Variants in NR3C1 observed in about 807,000 individuals in gnomAD.
The protein encoded by NR3C1 is glucocorticoid receptor.
A neutral mutation model predicts 74.0 loss-of-function variants in NR3C1; 14 were observed. The observed-to-expected ratio is 0.19, with a 90% CI of 0.12 to 0.30. The LOEUF (loss-of-function observed/expected upper bound fraction) is 0.30. Among genes scored for constraint, NR3C1 ranks in the 10% least tolerant of loss-of-function variants. The pLI is 1.00. For missense variants in NR3C1, 695 were observed against 909.8 expected, an observed-to-expected ratio of 0.76 and a Z score of 3.04; for synonymous variants, 308 against 332.5, an observed-to-expected ratio of 0.93 and a Z score of 0.80.
chr5:143,405,850 C>T (rs1041867064), upstream of NR3C1, among the ~76,000 whole-genome samples: 3 of 152,104 alleles, frequency 2.0e-5, no homozygotes, highest in Non-Finnish European at 4.4e-5. Context: ...TTTGGATGCT[C>T]ATCTGTGAGG....
intron 7 of NR3C1, among the ~76,000 whole-genome samples, chr5:143,293,038 C>T (rs189578464): frequency 2.9e-4 from 44 of 152,296 alleles, no homozygotes; most frequent in Non-Finnish European, 5.9e-5. Context: ...CAATTGTATT[C>T]TTCTGCTTTT....
In NR3C1 at chr5:143,281,288, C is replaced by T. The variant is rs566712325; in HGVS notation, c.*601G>A. 1 of 153,116 alleles carries T rather than the reference C, an allele frequency of 6.5e-6. No individual in the cohort carries two copies. The highest frequency in any genetic ancestry group is 6.5e-5 in the Admixed American group (1 of 15,356). The allele number at this position is 153,116 out of a possible 1,614,324, so 9.5% of individuals were successfully genotyped here. ...CTACGAACTAGCTGCCCATCTTAAA[C>T]AGCTGTACAATAACTTGAATAAAAA... is the stretch of plus-strand genomic sequence containing the variant. On this transcript the variant is annotated 3_prime_UTR_variant, in exon 9 of 9. Transcript: ENST00000394464.
Position 143,295,747 on chromosome 5 carries a change from G to A in NR3C1, c.1893-157C>T, listed in dbSNP as rs538143064. 1.9e-3 allele frequency among the ~76,000 whole-genome samples: 284 copies of A among 152,282 alleles called. 1 individual carries two copies. The highest frequency in any genetic ancestry group is 0.014 in the South Asian group (68 of 4,820). ...TTCCCTATAAAATCAGAATTTTGGA[G>A]AACTTTCCTTAAACTTCCTGCATCT... On this transcript the variant is annotated intron_variant, in intron 6 of 8. Transcript: ENST00000394464.
At chr5:143,384,241 C>A (rs138160025) in intron 2 of NR3C1, among the ~76,000 whole-genome samples, 1 of 152,306 alleles carries the variant, frequency 6.6e-6, no homozygotes, top group East Asian at 1.9e-4. Flanking sequence ...TCCCACTAGG[C>A]CCCTCCCCTG....
chr5:143,403,461 G>T lies in NR3C1; in HGVS notation c.-264C>A. ...CTCCGCGGGTCGAGGTTCCGGGCGC[G>T]CGTGCCCCGTCCCGGTCCCAGCTGC... On this transcript the variant is annotated 5_prime_UTR_variant, in exon 1 of 9. Transcript: ENST00000394464. The T allele has an allele frequency of 1.0e-6, 1 of 984,086 alleles. No homozygotes were observed. Among genetic ancestry groups the T allele is most frequent in the Non-Finnish European group, 1.2e-6 (1 of 829,666 alleles). The allele number at this position is 984,086 out of a possible 1,614,324, so 61.0% of individuals were successfully genotyped here. A position where few individuals can be genotyped will look rare whatever the true frequency, so the allele number is the denominator to read the frequency against.
chr5:143,374,616 G>A (rs945113466), intron 2 of NR3C1, among the ~76,000 whole-genome samples: 1 of 152,024 alleles, frequency 6.6e-6, no homozygotes, highest in Non-Finnish European at 1.5e-5. Flanking sequence ...TGGGGGCGAG[G>A]GCAGGGAGGA....
chr5:143,337,164 T>C (rs1827313134), intron 2 of NR3C1, among the ~76,000 whole-genome samples: 1 of 152,180 alleles, frequency 6.6e-6, no homozygotes, highest in South Asian at 2.1e-4. Flanking sequence ...AAATTTGGAT[T>C]TCAACTAAAA....
chr5:143,353,542 T>A (rs1830578835), intron 2 of NR3C1, among the ~76,000 whole-genome samples: 1 of 152,204 alleles, frequency 6.6e-6, no homozygotes, highest in South Asian at 2.1e-4. Context: ...TTGGCAGGCA[T>A]GAGAACAACA....
chr5:143,398,409 C>T (rs1839639096), intron 2 of NR3C1, among the ~76,000 whole-genome samples: 1 of 142,434 alleles, frequency 7.0e-6, no homozygotes, highest in African/African-American at 2.6e-5. Context: ...CAGAACATAG[C>T]CTAAATCTAA....
At chr5:143,333,754 G>A (rs1202996656) in intron 2 of NR3C1, among the ~76,000 whole-genome samples, 11 of 152,090 alleles carry the variant, frequency 7.2e-5, no homozygotes, top group African/African-American at 2.2e-4. Flanking sequence ...GCGACAGAGC[G>A]AGACTCCATC....
chr5:143,418,901 C>T (rs1409815219), intron 1 of NR3C1, among the ~76,000 whole-genome samples: 1 of 152,160 alleles, frequency 6.6e-6, no homozygotes, highest in Non-Finnish European at 1.5e-5. Context: ...ACTAAGTAGG[C>T]ATAATGATCG....
intron 2 of NR3C1, among the ~76,000 whole-genome samples, chr5:143,325,659 G>T (rs1244455551): frequency 6.6e-6 from 1 of 152,038 alleles, no homozygotes; most frequent in African/African-American, 2.4e-5. Context: ...TTCCTAATTA[G>T]TAGGTTAAAC....
chr5:143,343,367 T>C (rs2151751955), intron 2 of NR3C1, among the ~76,000 whole-genome samples: 1 of 152,290 alleles, frequency 6.6e-6, no homozygotes, highest in Non-Finnish European at 1.5e-5. Context: ...GACCTGATAG[T>C]CTCCTCGGGA....
At chr5:143,340,511 C>A (rs1827995718) in intron 2 of NR3C1, among the ~76,000 whole-genome samples, 1 of 115,264 alleles carries the variant, frequency 8.7e-6, no homozygotes, top group South Asian at 2.9e-4. Flanking sequence ...GAGACAGAGT[C>A]TCGCTCTGTC....
intron 2 of NR3C1, among the ~76,000 whole-genome samples, chr5:143,336,962 A>G (rs1473435888): frequency 1.3e-5 from 2 of 151,972 alleles, no homozygotes; most frequent in African/African-American, 2.4e-5. Flanking sequence ...TGGGTGACAG[A>G]GTGAGACCCT....
At chr5:143,304,617 AAG>A (rs1819183178) in intron 4 of NR3C1, among the ~76,000 whole-genome samples, 1 of 152,206 alleles carries the variant, frequency 6.6e-6, no homozygotes, top group South Asian at 2.1e-4. Context: ...CCTAAGCAAA[AAG>A]AACAAAGTTG....
chr5:143,301,076 C>A (rs181294916), intron 4 of NR3C1, among the ~76,000 whole-genome samples: 4 of 151,958 alleles, frequency 2.6e-5, no homozygotes, highest in African/African-American at 9.6e-5. Context: ...GTAAATTCTT[C>A]TATAAATTAT....
upstream of NR3C1, among the ~76,000 whole-genome samples, chr5:143,405,679 A>C (rs575089197): frequency 2.6e-5 from 4 of 152,352 alleles, no homozygotes; most frequent in Admixed American, 6.5e-5. Flanking sequence ...CTCGGAAAAG[A>C]AGAGGGAACC....
intron 7 of NR3C1, 43 bp from the exon 8 acceptor site, chr5:143,282,768 TTTTC>T (rs1562691537): frequency 1.3e-6 from 2 of 1,582,492 alleles, no homozygotes; most frequent in Non-Finnish European, 1.7e-6. Flanking sequence ...TTTCTTTTTC[TTTTC>T]TTTTCTTTTT....
Sources: allele counts gnomAD v4.1 joint callset (sites outside exome capture counted in the v4.1 genomes callset), GRCh38; gene constraint gnomAD v4.1.1; transcripts MANE v1.5; gene names NCBI Gene and HGNC (gene_info 2026-07-23, HGNC 2026-07-21).